Variants in DOCK2 observed in about 807,000 individuals in gnomAD.
The protein encoded by DOCK2 is dedicator of cytokinesis protein 2.
In DOCK2, 87 loss-of-function variants were observed where a neutral mutation model predicts 248.9. The observed-to-expected ratio is 0.35, with a 90% CI of 0.29 to 0.42. The LOEUF is 0.42. DOCK2 is among the 10% of genes least tolerant of loss of function. DOCK2 has a pLI of 1.00. For missense variants in DOCK2, 1,747 were observed against 2,300.2 expected (o/e 0.76, Z 4.92); for synonymous variants, 805 against 821.6 (o/e 0.98, Z 0.35).
chr5:169,920,636 A>C (rs1581418494), intron 27 of DOCK2, among the ~76,000 whole-genome samples: 1 of 152,226 alleles, frequency 6.6e-6, no homozygotes, highest in Non-Finnish European at 1.5e-5. Context: ...CTGATGTCAT[A>C]AAAGGTGATA....
intron 2 of DOCK2, among the ~76,000 whole-genome samples, chr5:169,658,726 A>G (rs889703011): frequency 6.6e-6 from 1 of 151,216 alleles, no homozygotes; most frequent in African/African-American, 2.4e-5. Flanking sequence ...AATAGCATAT[A>G]TTAGTTTTAA....
At chr5:169,856,207 A>G (rs1454608495) in intron 27 of DOCK2, among the ~76,000 whole-genome samples, 3 of 152,176 alleles carry the variant, frequency 2.0e-5, no homozygotes, top group East Asian at 3.8e-4. Flanking sequence ...AGAATACAAG[A>G]ATAGCATTTG....
In DOCK2 at chr5:169,881,352, G is replaced by T. The variant is rs371966689; in HGVS notation, c.2799+40500G>T. On this transcript the variant is annotated intron_variant, in intron 27 of 51. Coordinates refer to ENST00000520908, the MANE Select transcript of DOCK2 (RefSeq NM_004946.3). ...CTTTATGGTCTACAGAGCAGGCCTC[G>T]CTTGTGGCCAGGTACCTGTATATGA... The T allele has an allele frequency of 7.0e-5, 108 of 1,549,150 alleles. No individual in the cohort carries two copies. In the Middle Eastern group the frequency reaches 1.5e-3, roughly 22 times the overall value.
intron 49 of DOCK2, chr5:170,079,355 G>A: frequency 3.4e-6 from 2 of 589,890 alleles, no homozygotes; most frequent in South Asian, 2.0e-5. Flanking sequence ...GACAGAGCTG[G>A]GAGTTGAGCC....
At chr5:169,902,063 A>C (rs570574015) in intron 27 of DOCK2, among the ~76,000 whole-genome samples, 3 of 152,216 alleles carry the variant, frequency 2.0e-5, no homozygotes, top group Admixed American at 2.0e-4. Flanking sequence ...CTGTGTGCCA[A>C]GGAAACCACA....
intron 15 of DOCK2, among the ~76,000 whole-genome samples, chr5:169,709,165 G>C (rs1761441242): frequency 1.3e-5 from 2 of 152,242 alleles, no homozygotes; most frequent in Admixed American, 6.5e-5. Flanking sequence ...AATTGAACTA[G>C]ATTTTGCATT....
intron 24 of DOCK2, among the ~76,000 whole-genome samples, chr5:169,760,705 A>G (rs1021549100): frequency 2.6e-5 from 4 of 152,146 alleles, no homozygotes; most frequent in African/African-American, 9.7e-5. Context: ...CACTGCATAC[A>G]TCGCTGTGTA....
intron 27 of DOCK2, among the ~76,000 whole-genome samples, chr5:169,846,905 T>G (rs1363253885): frequency 6.6e-6 from 1 of 152,158 alleles, no homozygotes; most frequent in Admixed American, 6.5e-5. Flanking sequence ...TGTATGCCTT[T>G]GCATACTCAT....
intron 49 of DOCK2, 31 bp downstream of exon 49, chr5:170,079,177 C>G (rs147608896): frequency 6.2e-7 from 1 of 1,604,456 alleles, no homozygotes; most frequent in Non-Finnish European, 8.5e-7. Flanking sequence ...GCCTCTCCAG[C>G]GCTGTTAGCA....
intron 29 of DOCK2, among the ~76,000 whole-genome samples, chr5:169,992,074 A>C (rs899129986): frequency 6.6e-6 from 1 of 152,186 alleles, no homozygotes; most frequent in South Asian, 2.1e-4. Context: ...GTGGTTAAAT[A>C]CCTAGATTCT....
chr5:169,852,474 G>A (rs1246251297), intron 27 of DOCK2, among the ~76,000 whole-genome samples: 1 of 152,194 alleles, frequency 6.6e-6, no homozygotes, highest in African/African-American at 2.4e-5. Flanking sequence ...CAGGCTGGGA[G>A]CCAGTGTCCT....
chr5:169,962,179 C>T (rs1777115319), intron 27 of DOCK2, among the ~76,000 whole-genome samples: 1 of 151,868 alleles, frequency 6.6e-6, no homozygotes, highest in South Asian at 2.1e-4. Flanking sequence ...TCTGGTTGCT[C>T]CCTGGAGGGG....
At chr5:169,781,881 G>A (rs564728543) in intron 25 of DOCK2, among the ~76,000 whole-genome samples, 2 of 152,230 alleles carry the variant, frequency 1.3e-5, no homozygotes, top group East Asian at 3.9e-4. Flanking sequence ...TCAAAAATTT[G>A]CTTTTCATCA....
In DOCK2 at chr5:170,018,945, CCTCTT is replaced by C. The variant is rs1241089534; in HGVS notation, c.3233-9_3233-5del. On this transcript the variant is annotated splice_polypyrimidine_tract_variant and intron_variant, in intron 32 of 51. Transcript: ENST00000520908. Reference sequence around the variant, plus strand: ...CCGAACTGTTTTATGTGTTCATGTTCCTCTTCTCTTTCAGGTCAGAACAAAATCTG... The same window carrying C: ...CCGAACTGTTTTATGTGTTCATGTTCCTCTTTCAGGTCAGAACAAAATCTG... 5 of 1,613,348 alleles carry C rather than the reference CCTCTT, an allele frequency of 3.1e-6. No individual in the cohort carries two copies. The highest frequency in any genetic ancestry group is 4.2e-6 in the Non-Finnish European group (5 of 1,179,422).
At chr5:169,863,555 G>A (rs261030) in intron 27 of DOCK2, among the ~76,000 whole-genome samples, 119,446 of 152,222 alleles carry the variant, frequency 0.78, 47,520 homozygotes, top group African/African-American at 0.89. Flanking sequence ...AACAGCTACA[G>A]CTGCTGAAAT....
At chr5:169,995,633 A>T (rs1371528784) in intron 29 of DOCK2, among the ~76,000 whole-genome samples, 2 of 152,370 alleles carry the variant, frequency 1.3e-5, no homozygotes, top group East Asian at 1.9e-4. Context: ...AGCCCCATTT[A>T]TCAAAATGAT....
intron 25 of DOCK2, among the ~76,000 whole-genome samples, chr5:169,772,803 C>T (rs551316373): frequency 3.4e-4 from 52 of 152,184 alleles, no homozygotes; most frequent in African/African-American, 1.0e-3. Context: ...TCCCCCAGTA[C>T]GTCTCAGCAT....
intron 27 of DOCK2, among the ~76,000 whole-genome samples, chr5:169,905,075 C>T (rs1774199854): frequency 6.6e-6 from 1 of 152,130 alleles, no homozygotes; most frequent in South Asian, 2.1e-4. Context: ...TTCAGGGAGG[C>T]CGTGCAGAGT....
At chr5:169,651,009 T>C (rs1757776621) in intron 1 of DOCK2, among the ~76,000 whole-genome samples, 1 of 152,210 alleles carries the variant, frequency 6.6e-6, no homozygotes, top group Non-Finnish European at 1.5e-5. Context: ...CTATGATTTC[T>C]TCCTCTTGTT....
Sources: gnomAD v4.1 joint callset for allele counts (sites outside exome capture counted in the v4.1 genomes callset) on GRCh38, gnomAD v4.1.1 for gene constraint, MANE v1.5 for transcripts, NCBI Gene and HGNC (gene_info 2026-07-23, HGNC 2026-07-21) for gene names.